Variants in TRHDE observed in about 807,000 individuals in gnomAD.
TRHDE encodes thyrotropin releasing hormone degrading enzyme, also known as thyrotropin-releasing hormone-degrading ectoenzyme.
TRHDE carries 72 observed loss-of-function variants against 125.7 expected under a neutral mutation model. The observed-to-expected ratio is 0.57, with a 90% CI of 0.47 to 0.70. The LOEUF (loss-of-function observed/expected upper bound fraction) is 0.70, where lower values mean the gene tolerates loss of function less well. Ranked by LOEUF, TRHDE falls within the 30% of genes least tolerant of loss-of-function variation. TRHDE has a pLI of 0.00. For missense variants in TRHDE, 1,110 were observed against 1,327.1 expected (o/e 0.84, Z 2.54); for synonymous variants, 509 against 509.1 (o/e 1.00, Z 0.00).
chr12:72,416,033 T>C (rs556738976), intron 3 of TRHDE, among the ~76,000 whole-genome samples: 6 of 152,218 alleles, frequency 3.9e-5, no homozygotes, highest in Non-Finnish European at 7.4e-5. Context: ...CTCCACGTCC[T>C]TGCCAGCATT....
intron 15 of TRHDE, among the ~76,000 whole-genome samples, chr12:72,637,002 G>GA (rs1419495393): frequency 6.6e-6 from 1 of 152,146 alleles, no homozygotes; most frequent in African/African-American, 2.4e-5. Context: ...TTGGTATCAG[G>GA]ATGATGCTGG....
At chr12:72,468,817 C>T (rs1876506803) in intron 3 of TRHDE, among the ~76,000 whole-genome samples, 1 of 152,188 alleles carries the variant, frequency 6.6e-6, no homozygotes, top group South Asian at 2.1e-4. Context: ...CACATGCAAT[C>T]ACCACTTTGC....
intron 12 of TRHDE, among the ~76,000 whole-genome samples, chr12:72,617,083 G>A (rs879688835): frequency 6.6e-6 from 1 of 152,008 alleles, no homozygotes; most frequent in Admixed American, 6.6e-5. Flanking sequence ...TTTAATTATT[G>A]TTGCCATAGC....
At chr12:72,237,691 G>A (rs567410032) in intron 2 of TRHDE, among the ~76,000 whole-genome samples, 1 of 152,224 alleles carries the variant, frequency 6.6e-6, no homozygotes, top group South Asian at 2.1e-4. Flanking sequence ...CTTTGCCTAT[G>A]GCCATGATTG....
At chr12:72,098,043 T>A (rs1451712828) in intron 1 of TRHDE, among the ~76,000 whole-genome samples, 1 of 151,980 alleles carries the variant, frequency 6.6e-6, no homozygotes, top group African/African-American at 2.4e-5. Flanking sequence ...TATATTTTAT[T>A]TTATTTTATT....
chr12:72,305,949 A>G (rs1868334874), intron 2 of TRHDE, among the ~76,000 whole-genome samples: 1 of 152,088 alleles, frequency 6.6e-6, no homozygotes, highest in Admixed American at 6.5e-5. Flanking sequence ...ATTACTTTTT[A>G]GCTTATTTAT....
At chr12:72,373,668 A>T (rs954646648) in intron 2 of TRHDE, among the ~76,000 whole-genome samples, 21 of 152,218 alleles carry the variant, frequency 1.4e-4, no homozygotes, top group African/African-American at 5.1e-4. Context: ...ATTTTCAGCA[A>T]GTGTGGGATT....
intron 2 of TRHDE, among the ~76,000 whole-genome samples, chr12:72,242,681 G>T (rs1878505491): frequency 6.6e-6 from 1 of 152,066 alleles, no homozygotes; most frequent in Non-Finnish European, 1.5e-5. Context: ...TGAAAAAATG[G>T]AGGGCAAAAA....
At chr12:72,277,283 G>T (rs1339322574) in intron 1 of TRHDE, among the ~76,000 whole-genome samples, 2 of 152,094 alleles carry the variant, frequency 1.3e-5, no homozygotes, top group African/African-American at 4.8e-5. Flanking sequence ...TTTTATCTCT[G>T]GGTAGGCATT....
chr12:72,447,704 G>T (rs987115633), intron 3 of TRHDE, among the ~76,000 whole-genome samples: 1 of 151,978 alleles, frequency 6.6e-6, no homozygotes, highest in Non-Finnish European at 1.5e-5. Context: ...AACCCTGGCT[G>T]AATGTTAGAC....
intron 3 of TRHDE, among the ~76,000 whole-genome samples, chr12:72,452,292 G>A (rs1037474803): frequency 6.6e-6 from 1 of 151,756 alleles, no homozygotes; most frequent in Non-Finnish European, 1.5e-5. Flanking sequence ...TATTAATTTT[G>A]TATCCTGCAA....
At chr12:72,252,744 T>G (rs1462120949) in intron 2 of TRHDE, among the ~76,000 whole-genome samples, 1 of 152,136 alleles carries the variant, frequency 6.6e-6, no homozygotes, top group Non-Finnish European at 1.5e-5. Flanking sequence ...ATTTTTACTA[T>G]GTTGAGTCTT....
intron 2 of TRHDE, among the ~76,000 whole-genome samples, chr12:72,327,222 T>G (rs1869381746): frequency 6.6e-6 from 1 of 152,090 alleles, no homozygotes; most frequent in Non-Finnish European, 1.5e-5. Context: ...GAACTCTAAT[T>G]AGTGAGAATG....
intron 3 of TRHDE, among the ~76,000 whole-genome samples, chr12:72,460,992 G>A (rs769138174): frequency 2.0e-5 from 3 of 152,164 alleles, no homozygotes; most frequent in Admixed American, 6.5e-5. Flanking sequence ...AGTAAATGTC[G>A]AGGAAAATTG....
At chr12:72,326,453 G>T (rs1869345134) in intron 2 of TRHDE, among the ~76,000 whole-genome samples, 1 of 152,060 alleles carries the variant, frequency 6.6e-6, no homozygotes, top group South Asian at 2.1e-4. Context: ...AATGCATGCA[G>T]GGCTTAAAAC....
At chr12:72,156,438 C>T (rs546763507) in intron 2 of TRHDE, among the ~76,000 whole-genome samples, 1 of 152,310 alleles carries the variant, frequency 6.6e-6, no homozygotes, top group African/African-American at 2.4e-5. Context: ...GTGAGATGAA[C>T]CTGGTACCTC....
intron 2 of TRHDE, among the ~76,000 whole-genome samples, chr12:72,168,177 T>C (rs1876794156): frequency 6.6e-6 from 1 of 152,116 alleles, no homozygotes; most frequent in Non-Finnish European, 1.5e-5. Context: ...AGAAAATAGG[T>C]TTTATGTAGA....
At chr12:72,393,520 C>T (rs1229908180) in intron 3 of TRHDE, among the ~76,000 whole-genome samples, 3 of 152,220 alleles carry the variant, frequency 2.0e-5, no homozygotes, top group Middle Eastern at 3.4e-3. Flanking sequence ...ACACATAACA[C>T]GTTTCAGAAT....
chr12:72,207,391 CTTGAA>C (rs1353682280), intron 2 of TRHDE, among the ~76,000 whole-genome samples: 1 of 152,070 alleles, frequency 6.6e-6, no homozygotes, highest in Non-Finnish European at 1.5e-5. Flanking sequence ...TTCTTTAGGA[CTTGAA>C]TTGAACCTTG....
Sources: gnomAD v4.1 joint callset for allele counts (sites outside exome capture counted in the v4.1 genomes callset) on GRCh38, gnomAD v4.1.1 for gene constraint, MANE v1.5 for transcripts, NCBI Gene and HGNC (gene_info 2026-07-23, HGNC 2026-07-21) for gene names.